PDE1C: variants seen among roughly 807,000 people sequenced by gnomAD.
PDE1C encodes phosphodiesterase 1C.
PDE1C carries 62 observed loss-of-function variants against 93.1 expected under a neutral mutation model. The ratio of observed to expected loss-of-function variants is 0.67; its 90% CI spans 0.54 to 0.82. The LOEUF (loss-of-function observed/expected upper bound fraction) is 0.82. Ranked by LOEUF, PDE1C falls within the 40% of genes least tolerant of loss-of-function variation. The pLI, the probability that PDE1C is intolerant of heterozygous loss-of-function variation, is 0.00. For synonymous variants in PDE1C, 325 were observed against 310.1 expected, an observed-to-expected ratio of 1.05 and a Z score of -0.50; for missense variants, 742 against 884.6, an observed-to-expected ratio of 0.84 and a Z score of 2.04.
Position 32,174,269 on chromosome 7 carries a change from A to G in PDE1C, c.137-4313T>C, listed in dbSNP as rs573126902. On this transcript the variant is annotated intron_variant, in intron 2 of 18. Coordinates refer to the PDE1C transcript ENST00000396193. ...CATTTTTTTCATTCAGTAAACACATATTGAATTCCCTCAATGTGCCAGGTT... is the reference window on the plus strand; with the variant it reads ...CATTTTTTTCATTCAGTAAACACATGTTGAATTCCCTCAATGTGCCAGGTT... Among the ~76,000 whole-genome samples, 3 of 152,210 alleles carry G rather than the reference A, an allele frequency of 2.0e-5. No individual in the cohort carries two copies. In the South Asian group the frequency reaches 6.2e-4, roughly 32 times the overall value.
chr7:31,681,381 AT>A, the PDE1C span, among the ~76,000 whole-genome samples: 15 of 142,462 alleles, frequency 1.1e-4, 1 homozygote, highest in African/African-American at 3.5e-4. Context: ...GGATGGATGG[AT>A]GGATGGATGG....
chr7:31,625,025 C>T, the PDE1C span, among the ~76,000 whole-genome samples: 5 of 152,188 alleles, frequency 3.3e-5, no homozygotes, highest in African/African-American at 4.8e-5. Context: ...TGAAAAAATG[C>T]TCATCATCAC....
At chr7:32,107,570 A>C (rs1186861122) in intron 3 of PDE1C, among the ~76,000 whole-genome samples, 1 of 152,228 alleles carries the variant, frequency 6.6e-6, no homozygotes, top group Non-Finnish European at 1.5e-5. Flanking sequence ...TACTCTTCAA[A>C]AGTGAAGAAC....
intron 2 of PDE1C, among the ~76,000 whole-genome samples, chr7:32,207,253 A>G (rs4723132): frequency 0.28 from 43,145 of 151,606 alleles, 7,274 homozygotes; most frequent in Admixed American, 0.43. Flanking sequence ...GCCCCCGCCA[A>G]TCCCCGTCGT....
intron 1 of PDE1C, among the ~76,000 whole-genome samples, chr7:32,258,258 T>A (rs1809949174): frequency 6.6e-6 from 1 of 152,230 alleles, no homozygotes. Flanking sequence ...TTCAATTATA[T>A]GATGGGAATA....
chr7:31,677,924 C>G, the PDE1C span, among the ~76,000 whole-genome samples: 8 of 152,150 alleles, frequency 5.3e-5, no homozygotes, highest in African/African-American at 1.9e-4. Flanking sequence ...ATCTTAGGAT[C>G]ATTTGATAAG....
At chr7:31,743,358 C>T in the PDE1C span, among the ~76,000 whole-genome samples, 1 of 152,056 alleles carries the variant, frequency 6.6e-6, no homozygotes, top group South Asian at 2.1e-4. Flanking sequence ...CTCTTTGCTC[C>T]CGCTCTTCCC....
At position 31,850,039 on chromosome 7, in the gene PDE1C, C is replaced by T. The variant is rs571379720; in HGVS notation, c.851+602G>A. Among the ~76,000 whole-genome samples, 13 of 152,170 alleles carry T rather than the reference C, an allele frequency of 8.5e-5. 1 individual carries two copies. The highest frequency in any genetic ancestry group is 6.8e-3 in the Middle Eastern group (2 of 294). Reference sequence around the variant, plus strand: ...GCACTTGGACCCATATTTAATGTCTCCGACGGGAGGTTTGTGATTACCTGT... The same window carrying T: ...GCACTTGGACCCATATTTAATGTCTTCGACGGGAGGTTTGTGATTACCTGT... On this transcript the variant is annotated intron_variant, in intron 8 of 17. Transcript: ENST00000396191.
At chr7:31,776,134 C>G (rs754670310) in intron 16 of PDE1C, among the ~76,000 whole-genome samples, 1 of 152,142 alleles carries the variant, frequency 6.6e-6, no homozygotes, top group Non-Finnish European at 1.5e-5. Flanking sequence ...GGATGGAGGA[C>G]TATCTGAAGA....
intron 2 of PDE1C, among the ~76,000 whole-genome samples, chr7:31,908,804 T>C (rs555564117): frequency 2.0e-5 from 3 of 152,190 alleles, no homozygotes; most frequent in Non-Finnish European, 2.9e-5. Flanking sequence ...CCTGCAGTTA[T>C]TCAATCAAAC....
At chr7:31,741,956 A>G in the PDE1C span, among the ~76,000 whole-genome samples, 2 of 152,168 alleles carry the variant, frequency 1.3e-5, no homozygotes, top group African/African-American at 4.8e-5. Flanking sequence ...TTTGCTAGCT[A>G]TTTGCTCCTA....
At chr7:31,820,927 T>C (rs1266438724) in intron 14 of PDE1C, 1 of 151,440 alleles carries the variant, frequency 6.6e-6, no homozygotes, top group Admixed American at 6.6e-5. Flanking sequence ...TTCACCTCAA[T>C]TCTGCGATGT....
At chr7:31,849,698 C>T (rs1163737261) in intron 8 of PDE1C, among the ~76,000 whole-genome samples, 1 of 152,092 alleles carries the variant, frequency 6.6e-6, no homozygotes, top group Non-Finnish European at 1.5e-5. Context: ...TCTCATCCCT[C>T]CCTGCTACAT....
the PDE1C span, among the ~76,000 whole-genome samples, chr7:31,629,152 T>A: frequency 6.6e-6 from 1 of 152,194 alleles, no homozygotes; most frequent in Non-Finnish European, 1.5e-5. Flanking sequence ...TAAATTAAAA[T>A]TTGTCATTGC....
At chr7:31,848,151 G>A in intron 8 of PDE1C, 55 bp from the exon 9 acceptor site, 1 of 1,587,208 alleles carries the variant, frequency 6.3e-7, no homozygotes. Flanking sequence ...ATTTACTTGG[G>A]TAATTCTAAC....
chr7:31,627,917 T>C, the PDE1C span, among the ~76,000 whole-genome samples: 1 of 152,172 alleles, frequency 6.6e-6, no homozygotes, highest in African/African-American at 2.4e-5. Context: ...AGAAAGAGCA[T>C]ATCCAAAAGG....
chr7:32,012,263 G>A (rs748379018), intron 2 of PDE1C, among the ~76,000 whole-genome samples: 2 of 151,484 alleles, frequency 1.3e-5, no homozygotes, highest in Admixed American at 6.6e-5. Flanking sequence ...ATGGCAGAAG[G>A]TGAAGGAAGA....
At chr7:31,978,987 C>A (rs763620398) in intron 2 of PDE1C, among the ~76,000 whole-genome samples, 12 of 152,160 alleles carry the variant, frequency 7.9e-5, no homozygotes, top group Non-Finnish European at 1.6e-4. Flanking sequence ...TGATGCCACA[C>A]TTGTTTATAG....
chr7:32,353,995 G>A (rs867529025), intron 1 of PDE1C, among the ~76,000 whole-genome samples: 1 of 152,104 alleles, frequency 6.6e-6, no homozygotes, highest in African/African-American at 2.4e-5. Flanking sequence ...AGTCCAGGGA[G>A]CAACAGACAA....
Sources: gnomAD v4.1 joint callset for allele counts (sites outside exome capture counted in the v4.1 genomes callset) on GRCh38, gnomAD v4.1.1 for gene constraint, MANE v1.5 for transcripts, NCBI Gene and HGNC (gene_info 2026-07-23, HGNC 2026-07-21) for gene names.